The following CPM variants were observed in gnomAD, a reference collection of about 807,000 sequenced individuals.
CPM encodes carboxypeptidase M.
CPM carries 35 observed loss-of-function variants against 46.4 expected under a neutral mutation model. That is an observed-to-expected ratio of 0.75 (90% CI 0.58 to 1.00). CPM has a LOEUF of 1.00. CPM is among the 50% of genes least tolerant of loss of function. The pLI is 0.00. For missense variants in CPM, 422 were observed against 530.4 expected, an observed-to-expected ratio of 0.80 and a Z score of 2.01; for synonymous variants, 195 against 195.3, an observed-to-expected ratio of 1.00 and a Z score of 0.01.
downstream of CPM, chr12:68,849,305 G>C (rs1393527382): frequency 6.6e-6 from 1 of 150,416 alleles, no homozygotes; most frequent in Non-Finnish European, 1.5e-5. Context: ...GGCCAGGCTG[G>C]TCTCGAACTC....
chr12:68,884,352 T>G (rs539060563), intron 3 of CPM, among the ~76,000 whole-genome samples: 46 of 152,208 alleles, frequency 3.0e-4, no homozygotes, highest in Admixed American at 2.4e-3. Flanking sequence ...GTTCAAAAAC[T>G]TATTCCTTTG....
chr12:68,949,235 G>A (rs1006085291), intron 1 of CPM, among the ~76,000 whole-genome samples: 1 of 152,140 alleles, frequency 6.6e-6, no homozygotes, highest in African/African-American at 2.4e-5. Flanking sequence ...GTTGGGCATG[G>A]TGGCACACAC....
chr12:68,933,020 G>A (rs1237084636), intron 1 of CPM, 122 bp downstream of exon 1: 9 of 551,896 alleles, frequency 1.6e-5, no homozygotes, highest in Middle Eastern at 9.8e-4. Context: ...GAGACCGGGA[G>A]CACGGGCAGC....
chr12:68,906,506 G>A (rs978944142), intron 2 of CPM, among the ~76,000 whole-genome samples: 3 of 141,928 alleles, frequency 2.1e-5, no homozygotes, highest in African/African-American at 8.0e-5. Context: ...TTTTTTTTTT[G>A]AGAGACAAAG....
chr12:68,884,084 T>C (rs1249013543), intron 3 of CPM, among the ~76,000 whole-genome samples: 1 of 116,748 alleles, frequency 8.6e-6, no homozygotes, highest in Non-Finnish European at 1.6e-5. Context: ...CACTCCAGCC[T>C]GGGAGACAAG....
chr12:68,889,163 T>G (rs2136258312), intron 2 of CPM, among the ~76,000 whole-genome samples: 1 of 152,320 alleles, frequency 6.6e-6, no homozygotes, highest in Non-Finnish European at 1.5e-5. Context: ...TTGCTGAGAC[T>G]GAGGTAGGAA....
rs139899319 is a variant in CPM, at chr12:68,865,007, C to A, written c.940+1889G>T. On this transcript the variant is annotated intron_variant, in intron 7 of 8. Transcript: ENST00000551568. ...TCCAGCCTGGGTGACAGAGTGAGAC[C>A]CTGTCTCTAAAATGATGATAATGAT... 2.6e-4 allele frequency among the ~76,000 whole-genome samples: 39 copies of A among 151,682 alleles called. No individual in the cohort carries two copies. In the East Asian group the frequency reaches 7.4e-3, roughly 29 times the overall value.
chr12:68,859,062 C>A lies in CPM; in HGVS notation c.950G>T (p.Gly317Val). Residue 317 changes from glycine to valine, a missense_variant, in exon 8 of 9, where the codon GGT becomes GTT. Coordinates refer to ENST00000551568, the MANE Select transcript of CPM (RefSeq NM_198320.5). ...ATTTCCATTCTGATCAAAAACTTGA[C>A]CCTTTACACCTGCAAGACAAAAATA... ...YIKQVHLGVK[G>V]QVFDQNGNPL... 6.7e-7 allele frequency: 1 copy of A among 1,491,202 alleles called. No homozygotes were observed. Among genetic ancestry groups the A allele is most frequent in the South Asian group, 1.5e-5 (1 of 65,402 alleles). 92.4% of individuals were successfully genotyped at this position (1,491,202 alleles called of 1,614,324 possible).
intron 2 of CPM, chr12:68,913,982 A>T: frequency 1.4e-6 from 1 of 720,418 alleles, no homozygotes; most frequent in South Asian, 1.4e-5. Flanking sequence ...GCAGCTACAC[A>T]GATATTATTA....
intron 8 of CPM, among the ~76,000 whole-genome samples, 186 bp downstream of exon 8, chr12:68,858,737 T>G (rs549132308): frequency 6.6e-6 from 1 of 151,708 alleles, no homozygotes; most frequent in East Asian, 1.9e-4. Context: ...TTTGTGGTTT[T>G]TTTTTTTTTC....
chr12:68,867,512 T>A (rs1342810140), intron 6 of CPM, among the ~76,000 whole-genome samples: 1 of 152,212 alleles, frequency 6.6e-6, no homozygotes, highest in African/African-American at 2.4e-5. Flanking sequence ...CATTCACTAT[T>A]GCCAGGTACC....
chr12:68,935,395 G>C (rs894305744), upstream of CPM, among the ~76,000 whole-genome samples: 2 of 151,982 alleles, frequency 1.3e-5, no homozygotes, highest in African/African-American at 4.8e-5. Context: ...AACGTACCTG[G>C]GATTACAGGC....
downstream of CPM, chr12:68,850,665 A>T (rs1261129336): frequency 6.6e-6 from 1 of 152,192 alleles, no homozygotes; most frequent in Admixed American, 6.5e-5. Flanking sequence ...GAAATCAATA[A>T]AATTTGTTAT....
At chr12:68,847,811 T>C (rs746999206), downstream of CPM, 3 of 152,234 alleles carry the variant, frequency 2.0e-5, no homozygotes, top group Non-Finnish European at 4.4e-5. Flanking sequence ...AGGATGTTGA[T>C]TGGCATTGAA....
intron 3 of CPM, among the ~76,000 whole-genome samples, chr12:68,882,993 T>C (rs1459092409): frequency 2.0e-5 from 3 of 152,316 alleles, no homozygotes; most frequent in Middle Eastern, 6.8e-3. Flanking sequence ...CATCTAGCCA[T>C]AGTATTAAGT....
intron 2 of CPM, among the ~76,000 whole-genome samples, chr12:68,930,284 G>C (rs1015647563): frequency 6.6e-6 from 1 of 152,226 alleles, no homozygotes; most frequent in Non-Finnish European, 1.5e-5. Context: ...GTTTCACCAT[G>C]TTGGCCAGGC....
At chr12:68,849,780 T>G (rs1279180361), downstream of CPM, 2 of 148,574 alleles carry the variant, frequency 1.3e-5, no homozygotes, top group Admixed American at 1.3e-4. Flanking sequence ...GCCTGGCAAA[T>G]TTTTGTATTT....
chr12:68,934,869 A>G (rs1021262199), upstream of CPM, among the ~76,000 whole-genome samples: 1 of 152,132 alleles, frequency 6.6e-6, no homozygotes, highest in African/African-American at 2.4e-5. Flanking sequence ...TAACTCTTTA[A>G]AGGGAATTTT....
chr12:68,882,108 G>A (rs1886222348), intron 3 of CPM, among the ~76,000 whole-genome samples: 1 of 146,858 alleles, frequency 6.8e-6, no homozygotes, highest in Non-Finnish European at 1.5e-5. Flanking sequence ...AATGTTACAA[G>A]TGCAGGGGTA....
Sources: allele counts gnomAD v4.1 joint callset (sites outside exome capture counted in the v4.1 genomes callset), GRCh38; gene constraint gnomAD v4.1.1; transcripts MANE v1.5; gene names NCBI Gene and HGNC (gene_info 2026-07-23, HGNC 2026-07-21).